Variants in GSDME observed in about 807,000 individuals in gnomAD.
GSDME encodes the protein gasdermin-E.
GSDME carries 44 observed loss-of-function variants against 47.5 expected under a neutral mutation model. The ratio of observed to expected loss-of-function variants is 0.93; its 90% CI spans 0.73 to 1.19. The LOEUF is 1.19. GSDME is among the 50% of genes most tolerant of loss of function. The pLI is 0.00. For missense variants in GSDME, 663 were observed against 604.2 expected (o/e 1.10, Z -1.02); for synonymous variants, 258 against 252.8 (o/e 1.02, Z -0.20).
rs746321505 is a variant in GSDME at position 24,699,100 on chromosome 7, C to T, written c.1417G>A (p.Asp473Asn). 5.0e-6 allele frequency: 8 copies of T among 1,614,118 alleles called. No individual in the cohort carries two copies. Among genetic ancestry groups the T allele is most frequent in the Non-Finnish European group, 6.8e-6 (8 of 1,180,014 alleles). ...KSSVKAVILK[D>N]SKVFPLLLCI... ...AGAAGCAGTGGGAAGACTTTAGAGTCCTTCAGAATGACAGCTTTCACAGAT... is the reference window on the plus strand; with the variant it reads ...AGAAGCAGTGGGAAGACTTTAGAGTTCTTCAGAATGACAGCTTTCACAGAT... Residue 473 changes from aspartate to asparagine, a missense_variant, in exon 10 of 10, where the codon GAC becomes AAC. Transcript: ENST00000645220.
the GSDME span, among the ~76,000 whole-genome samples, chr7:24,782,427 T>C: frequency 1.3e-5 from 2 of 152,198 alleles, no homozygotes; most frequent in African/African-American, 4.8e-5. Flanking sequence ...TAGTATTCCA[T>C]GGTGTATATA....
At chr7:24,792,376 G>A in the GSDME span, among the ~76,000 whole-genome samples, 1 of 152,278 alleles carries the variant, frequency 6.6e-6, no homozygotes, top group South Asian at 2.1e-4. Context: ...TAACACTGGG[G>A]TCTTTGTCGA....
chr7:24,715,299 T>G (rs73082014), intron 5 of GSDME, among the ~76,000 whole-genome samples: 3,401 of 152,296 alleles, frequency 0.022, 90 homozygotes, highest in Admixed American at 0.033. Context: ...CTAATAGTAC[T>G]GCAGTGTTTA....
At chr7:24,767,300 G>A in the GSDME span, among the ~76,000 whole-genome samples, 1 of 152,008 alleles carries the variant, frequency 6.6e-6, no homozygotes. The surrounding 1 kb of genome is among the most constrained non-coding windows in gnomAD (Gnocchi z 5.3). Flanking sequence ...CTCCGGCCTG[G>A]GTGACAAAGT....
rs1420195978 is a variant in GSDME at position 24,754,422 on chromosome 7, T to C, written c.-20+2974A>G. Among the ~76,000 whole-genome samples, 1 of 150,444 alleles carries C rather than the reference T, an allele frequency of 6.6e-6. No individual in the cohort carries two copies. Among genetic ancestry groups the C allele is most frequent in the Admixed American group, 6.6e-5 (1 of 15,140 alleles). On this transcript the variant is annotated intron_variant, in intron 1 of 9. Transcript: ENST00000645220. This position sits in a 1 kb window ranked among gnomAD's most constrained non-coding sequence, Gnocchi z 5.0. Reference sequence around the variant, plus strand: ...ATCACTTGAACCTGGGAGGCAGAGGTTGCAGTGAGCCAAGATCCTGCCATT... The same window carrying C: ...ATCACTTGAACCTGGGAGGCAGAGGCTGCAGTGAGCCAAGATCCTGCCATT...
intron 5 of GSDME, 97 bp from the exon 6 acceptor site, chr7:24,710,485 A>G: frequency 8.5e-7 from 1 of 1,174,874 alleles, no homozygotes; most frequent in South Asian, 1.2e-5. Context: ...GGCACATCTT[A>G]GACGTAACTC....
At position 24,714,042 on chromosome 7, in the gene GSDME, G is replaced by C. The variant is rs183980447; in HGVS notation, c.697+3212C>G. Among the ~76,000 whole-genome samples, 13 of 152,354 alleles carry C rather than the reference G, an allele frequency of 8.5e-5. No homozygotes were observed. The highest frequency in any genetic ancestry group is 8.5e-4 in the Admixed American group (13 of 15,304). ...GATTCAGGTGCAGCGTGGGAAACAGGTTCACGCCCACAAGGCATCCAACTG... is the reference window on the plus strand; with the variant it reads ...GATTCAGGTGCAGCGTGGGAAACAGCTTCACGCCCACAAGGCATCCAACTG... On this transcript the variant is annotated intron_variant, in intron 5 of 9. Coordinates refer to ENST00000645220, the MANE Select transcript of GSDME (RefSeq NM_001127453.2). This position sits in a 1 kb window ranked among gnomAD's most constrained non-coding sequence, Gnocchi z 5.0.
rs746092419 is a variant in GSDME at position 24,717,263 on chromosome 7, C to A, written c.688G>T (p.Gly230Cys). Reference sequence around the variant, plus strand: ...AGGAGGTGGCACTCACCGAACTGGCCGTCCAGTTTCACGTATAACTCAATG... The same window carrying A: ...AGGAGGTGGCACTCACCGAACTGGCAGTCCAGTTTCACGTATAACTCAATG... ...GVIELYVKLD[G>C]QFEFCLLRGK... Residue 230 changes from glycine (G) to cysteine (C), a missense_variant, in exon 5 of 10, where the codon GGC becomes TGC. Physicochemically the swap from Gly to Cys is radical, Grantham distance 159. Transcript: ENST00000645220. 6.2e-7 allele frequency: 1 copy of A among 1,612,724 alleles called. No individual in the cohort carries two copies. Among genetic ancestry groups the A allele is most frequent in the Admixed American group, 1.7e-5 (1 of 59,926 alleles).
the GSDME span, among the ~76,000 whole-genome samples, chr7:24,794,366 TCTC>T: frequency 6.6e-6 from 1 of 151,938 alleles, no homozygotes; most frequent in Non-Finnish European, 1.5e-5. Context: ...ATGCTGCTGT[TCTC>T]CTGTCTCCTT....
chr7:24,751,411 T>C (rs1220670580), intron 1 of GSDME, among the ~76,000 whole-genome samples: 16 of 152,198 alleles, frequency 1.1e-4, no homozygotes, highest in Non-Finnish European at 1.0e-4. Flanking sequence ...ACACAGCTCT[T>C]AGGATTTAAG....
At chr7:24,784,444 T>A in the GSDME span, among the ~76,000 whole-genome samples, 1 of 152,036 alleles carries the variant, frequency 6.6e-6, no homozygotes, top group Non-Finnish European at 1.5e-5. Flanking sequence ...GACTTCAGTA[T>A]GTGGCTGAAG....
chr7:24,711,515 A>C (rs1297754779), intron 5 of GSDME, among the ~76,000 whole-genome samples: 1 of 152,082 alleles, frequency 6.6e-6, no homozygotes, highest in Non-Finnish European at 1.5e-5. Flanking sequence ...CCAGGCGATA[A>C]AAAGTTTTTT....
chr7:24,708,139 G>T lies in GSDME; in HGVS notation c.978C>A (p.Val326=). The T allele has an allele frequency of 6.2e-7, 1 of 1,614,114 alleles. No individual in the cohort carries two copies. Among genetic ancestry groups the T allele is most frequent in the Non-Finnish European group, 8.5e-7 (1 of 1,180,028 alleles). The change falls in exon 7 of 10, where the codon GTC becomes GTA. Residue 326 remains valine (V), a synonymous_variant. Transcript: ENST00000645220. ...TCTCAGGGCTCACCACTGGTTCCAG[G>T]ACCATGAGTAGTTCATCATCAAATA... ...AVLFDDELLM[V]LEPVCDDLVS...
At chr7:24,782,943 T>C in the GSDME span, among the ~76,000 whole-genome samples, 3 of 152,214 alleles carry the variant, frequency 2.0e-5, no homozygotes, top group African/African-American at 4.8e-5. Context: ...TAATGAAATA[T>C]AGCTAGAGTC....
chr7:24,761,077 A>C (rs1791159273), upstream of GSDME, among the ~76,000 whole-genome samples: 1 of 152,230 alleles, frequency 6.6e-6, no homozygotes, highest in African/African-American at 2.4e-5. This position sits in a 1 kb window ranked among gnomAD's most constrained non-coding sequence, Gnocchi z 4.4. Context: ...CCCAAAACTT[A>C]GTGGCTTGAA....
intron 2 of GSDME, among the ~76,000 whole-genome samples, chr7:24,749,206 AAAG>A (rs141734181): frequency 0.037 from 5,645 of 152,264 alleles, 147 homozygotes; most frequent in Non-Finnish European, 0.055. Context: ...TACTTGCATT[AAAG>A]AAGAATCATC....
At chr7:24,723,474 T>G (rs773621521) in intron 3 of GSDME, among the ~76,000 whole-genome samples, 46 of 152,202 alleles carry the variant, frequency 3.0e-4, no homozygotes, top group Non-Finnish European at 5.9e-4. Flanking sequence ...CCAGCCAAAT[T>G]TCAATGCAAT....
chr7:24,729,215 A>G (rs1013761170), intron 3 of GSDME, among the ~76,000 whole-genome samples: 48 of 152,340 alleles, frequency 3.2e-4, no homozygotes, highest in Middle Eastern at 6.8e-3. Context: ...CTTCACGCCA[A>G]AGCCCTTGGA....
chr7:24,774,584 G>T, the GSDME span, among the ~76,000 whole-genome samples: 5 of 151,928 alleles, frequency 3.3e-5, no homozygotes, highest in Admixed American at 2.0e-4. Context: ...CCAGGCTTGA[G>T]TGTGGTGGTA....
Sources: allele counts gnomAD v4.1 joint callset (sites outside exome capture counted in the v4.1 genomes callset), GRCh38; gene constraint gnomAD v4.1.1; non-coding constraint Gnocchi (gnomAD v3.1); transcripts MANE v1.5; gene names NCBI Gene and HGNC (gene_info 2026-07-23, HGNC 2026-07-21).